The following DSCAM variants were observed in gnomAD, a reference collection of about 807,000 sequenced individuals.
The protein encoded by DSCAM is DS cell adhesion molecule.
A neutral mutation model predicts 217.7 loss-of-function variants in DSCAM; 47 were observed. That is an observed-to-expected ratio of 0.22 (90% CI 0.17 to 0.28). The LOEUF is 0.28. Among genes scored for constraint, DSCAM ranks in the 10% least tolerant of loss-of-function variants. The pLI, the probability that DSCAM is intolerant of heterozygous loss-of-function variation, is 1.00. For missense variants in DSCAM, 2,080 were observed against 2,618.3 expected (o/e 0.79, Z 4.49); for synonymous variants, 1,056 against 1,015.3 (o/e 1.04, Z -0.76).
chr21:40,410,995 A>T (rs186440721), intron 3 of DSCAM, among the ~76,000 whole-genome samples: 85 of 152,306 alleles, frequency 5.6e-4, no homozygotes, highest in African/African-American at 2.0e-3. Flanking sequence ...TCTTTAAAAG[A>T]TAATTAACCA....
At chr21:40,294,365 C>A (rs1037816026) in intron 10 of DSCAM, among the ~76,000 whole-genome samples, 1 of 151,952 alleles carries the variant, frequency 6.6e-6, no homozygotes, top group African/African-American at 2.4e-5. Flanking sequence ...TCTAAGTATG[C>A]AAATTAAAAT....
At chr21:40,142,822 C>A in intron 17 of DSCAM, 118 bp from the exon 18 acceptor site, 2 of 1,161,240 alleles carry the variant, frequency 1.7e-6, no homozygotes, top group South Asian at 1.6e-5. Context: ...CACTCAACCC[C>A]AAAATGAAAG....
chr21:40,724,800 A>G (rs1271593180), intron 1 of DSCAM, among the ~76,000 whole-genome samples: 1 of 152,228 alleles, frequency 6.6e-6, no homozygotes, highest in African/African-American at 2.4e-5. Context: ...TTCATTGACT[A>G]ATACACTGTT....
At chr21:40,380,142 A>T (rs1287605226) in intron 3 of DSCAM, among the ~76,000 whole-genome samples, 22 of 152,248 alleles carry the variant, frequency 1.4e-4, no homozygotes, top group Admixed American at 1.2e-3. Context: ...AGGCTCAATT[A>T]TACACTACTA....
chr21:40,789,776 C>T (rs893356961), intron 1 of DSCAM, among the ~76,000 whole-genome samples: 1 of 152,042 alleles, frequency 6.6e-6, no homozygotes, highest in Non-Finnish European at 1.5e-5. Flanking sequence ...AGGATGGTCT[C>T]GATCTCCTGA....
At chr21:40,799,839 A>ATT (rs1210556658) in intron 1 of DSCAM, among the ~76,000 whole-genome samples, 1 of 152,224 alleles carries the variant, frequency 6.6e-6, no homozygotes, top group Non-Finnish European at 1.5e-5. Context: ...ATTTAAATAC[A>ATT]TCTGCAAAAT....
At chr21:40,806,876 C>G (rs2091792513) in intron 1 of DSCAM, among the ~76,000 whole-genome samples, 1 of 152,040 alleles carries the variant, frequency 6.6e-6, no homozygotes, top group Non-Finnish European at 1.5e-5. Context: ...AACCAAACAC[C>G]ACATATTCTC....
At chr21:40,293,352 T>C (rs778719763) in intron 10 of DSCAM, among the ~76,000 whole-genome samples, 2 of 152,104 alleles carry the variant, frequency 1.3e-5, no homozygotes, top group African/African-American at 2.4e-5. Context: ...GTTGACACTA[T>C]AGCTTGGTGG....
chr21:40,291,616 A>G (rs1011688560), intron 10 of DSCAM, among the ~76,000 whole-genome samples: 1 of 152,170 alleles, frequency 6.6e-6, no homozygotes, highest in African/African-American at 2.4e-5. Flanking sequence ...ACTCTTGGGA[A>G]CTAGCTGGCC....
chr21:40,679,028 T>G (rs576871574), intron 3 of DSCAM, among the ~76,000 whole-genome samples: 1 of 152,330 alleles, frequency 6.6e-6, no homozygotes, highest in Non-Finnish European at 1.5e-5. Flanking sequence ...ATTTGAAATG[T>G]CGATTTCCCT....
chr21:40,834,222 C>T (rs1710362582), intron 1 of DSCAM, among the ~76,000 whole-genome samples: 1 of 151,714 alleles, frequency 6.6e-6, no homozygotes, highest in Non-Finnish European at 1.5e-5. Context: ...TCCTGGCTAA[C>T]ATGGTGAAAC....
Position 40,468,523 on chromosome 21 carries a change from T to G in DSCAM, c.509-99278A>C, listed in dbSNP as rs557257059. On this transcript the variant is annotated intron_variant, in intron 3 of 32. Coordinates refer to ENST00000400454, the MANE Select transcript of DSCAM (RefSeq NM_001389.5). ...AGGGAGTAAATGGAAAAACAGCAAATATTGCACACAGGATTGGGGAGGGGG... is the reference window on the plus strand; with the variant it reads ...AGGGAGTAAATGGAAAAACAGCAAAGATTGCACACAGGATTGGGGAGGGGG... Among the ~76,000 whole-genome samples the G allele has an allele frequency of 4.0e-3, 606 of 151,974 alleles. 2 individuals carry two copies. The highest frequency in any genetic ancestry group is 0.014 in the African/African-American group (578 of 41,438).
intron 20 of DSCAM, among the ~76,000 whole-genome samples, chr21:40,105,315 G>A (rs1040422408): frequency 7.3e-4 from 111 of 152,170 alleles, no homozygotes; most frequent in African/African-American, 2.4e-3. Context: ...TTATTGGCTT[G>A]TTCACTGTGT....
chr21:40,712,648 T>C (rs2090794742), intron 1 of DSCAM, among the ~76,000 whole-genome samples: 1 of 152,188 alleles, frequency 6.6e-6, no homozygotes, highest in Admixed American at 6.5e-5. Flanking sequence ...ATTTTTTCAT[T>C]TTCCCATCTC....
intron 1 of DSCAM, among the ~76,000 whole-genome samples, chr21:40,721,621 C>T (rs1035401711): frequency 6.6e-6 from 1 of 151,976 alleles, no homozygotes; most frequent in Non-Finnish European, 1.5e-5. Flanking sequence ...TAAAACTACC[C>T]AAATTGAAAA....
At chr21:40,582,627 G>C (rs2076914435) in intron 3 of DSCAM, among the ~76,000 whole-genome samples, 1 of 152,104 alleles carries the variant, frequency 6.6e-6, no homozygotes. Flanking sequence ...CATATTCCAG[G>C]AATTTGCAGT....
At position 40,083,952 on chromosome 21, in the gene DSCAM, G is replaced by A. The variant is rs2089497716; in HGVS notation, c.4187C>T (p.Thr1396Ile). Reference protein sequence around the residue: ...TVSKTTSSSITLSWLPGDNGG... With the variant: ...TVSKTTSSSIILSWLPGDNGG... ...GTTGTCTCCAGGGAGCCAAGAAAGG[G>A]TGATGGAGGAAGACGTGGTCTTGGA... Residue 1396 changes from threonine (T) to isoleucine (I), a missense_variant, in exon 24 of 33, where the codon ACC becomes ATC. Transcript: ENST00000400454. 1.9e-6 allele frequency: 3 copies of A among 1,613,884 alleles called. No homozygotes were observed. The highest frequency in any genetic ancestry group is 2.5e-6 in the Non-Finnish European group (3 of 1,179,910).
At chr21:40,529,550 A>G (rs2076426866) in intron 3 of DSCAM, among the ~76,000 whole-genome samples, 1 of 152,076 alleles carries the variant, frequency 6.6e-6, no homozygotes, top group Non-Finnish European at 1.5e-5. Context: ...TCAGAGACTC[A>G]CAGTCCCTTC....
At chr21:40,514,466 T>C (rs2076284230) in intron 3 of DSCAM, among the ~76,000 whole-genome samples, 2 of 152,204 alleles carry the variant, frequency 1.3e-5, no homozygotes, top group Non-Finnish European at 2.9e-5. Flanking sequence ...AAGTCAGAGC[T>C]TAACTCCTAA....
Sources: gnomAD v4.1 joint callset for allele counts (sites outside exome capture counted in the v4.1 genomes callset) on GRCh38, gnomAD v4.1.1 for gene constraint, MANE v1.5 for transcripts, NCBI Gene and HGNC (gene_info 2026-07-23, HGNC 2026-07-21) for gene names.